The following POU2F2 variants were observed in gnomAD, a reference collection of about 807,000 sequenced individuals.
POU2F2 encodes POU domain, class 2, transcription factor 2.
Under a neutral mutation model 63.5 loss-of-function variants are expected in POU2F2, and 14 were observed. That is an observed-to-expected ratio of 0.22 (90% CI 0.15 to 0.34). The LOEUF (loss-of-function observed/expected upper bound fraction) is 0.34, where lower values mean the gene tolerates loss of function less well. Ranked by LOEUF, POU2F2 falls within the 10% of genes least tolerant of loss-of-function variation. POU2F2 has a pLI of 1.00. For synonymous variants in POU2F2, 306 were observed against 348.6 expected (o/e 0.88, Z 1.36); for missense variants, 607 against 815.2 (o/e 0.74, Z 3.11).
intron 1 of POU2F2, among the ~76,000 whole-genome samples, chr19:42,183,229 G>A (rs1327600149): frequency 1.3e-5 from 2 of 152,312 alleles, no homozygotes; most frequent in Non-Finnish European, 2.9e-5. Flanking sequence ...TGCCCTCATA[G>A]AGACCCTCAT....
At position 42,169,107 on chromosome 19, in the gene POU2F2, T is replaced by TCA. The variant is rs1340432498; in HGVS notation, c.-70+6855_-70+6856insTG. On this transcript the variant is annotated intron_variant, in intron 1 of 6. Transcript: ENST00000524801. The surrounding 1 kb of genome is among the most constrained non-coding windows in gnomAD (Gnocchi z 4.3). ...GATGAGTTAATTAATTCTATACACA[T>TCA]TTTCACACTTGAACATCTACCTATT... 6.6e-6 allele frequency among the ~76,000 whole-genome samples: 1 copy of TCA among 152,174 alleles called. No homozygotes were observed. The highest frequency in any genetic ancestry group is 2.4e-5 in the African/African-American group (1 of 41,426).
chr19:42,093,990 G>C, intron 11 of POU2F2, 95 bp from the exon 12 acceptor site: 1 of 1,029,384 alleles, frequency 9.7e-7, no homozygotes, highest in Non-Finnish European at 1.5e-6. Flanking sequence ...CCCAGGATGG[G>C]GGCAGGGGGC....
intron 2 of POU2F2, among the ~76,000 whole-genome samples, chr19:42,159,340 T>G (rs369033935): frequency 4.6e-5 from 7 of 152,140 alleles, no homozygotes; most frequent in African/African-American, 1.4e-4. Flanking sequence ...GTCCCTACAA[T>G]GCTGGGTTGC....
intron 1 of POU2F2, among the ~76,000 whole-genome samples, chr19:42,192,436 G>A (rs182176859): frequency 6.6e-6 from 1 of 152,220 alleles, no homozygotes; most frequent in Non-Finnish European, 1.5e-5. Context: ...TCAAGGGTGG[G>A]GTTGGATCTA....
At chr19:42,129,039 G>C (rs1057327730) in intron 1 of POU2F2, among the ~76,000 whole-genome samples, 9 of 151,896 alleles carry the variant, frequency 5.9e-5, no homozygotes, top group African/African-American at 1.9e-4. Flanking sequence ...CACCATGTTG[G>C]GCAGGCTGGT....
At chr19:42,192,250 C>G (rs1319092521) in intron 1 of POU2F2, among the ~76,000 whole-genome samples, 1 of 152,118 alleles carries the variant, frequency 6.6e-6, no homozygotes, top group Non-Finnish European at 1.5e-5. Flanking sequence ...TGAGCAGGTG[C>G]TAGTCTTCAG....
chr19:42,132,475 AG>A, upstream of POU2F2: 2 of 1,381,260 alleles, frequency 1.4e-6, no homozygotes, highest in Non-Finnish European at 1.9e-6. Context: ...CTGGGGGCCG[AG>A]CCCTCCCTGC....
chr19:42,120,146 A>C lies in POU2F2; in HGVS notation c.186+1980T>G, dbSNP rs372628301. 2.4e-4 allele frequency among the ~76,000 whole-genome samples: 37 copies of C among 151,458 alleles called. No homozygotes were observed. The South Asian group carries it at 7.8e-3, about 32-fold the overall frequency. On this transcript the variant is annotated intron_variant, in intron 4 of 14. Coordinates refer to ENST00000692977, the MANE Select transcript of POU2F2 (RefSeq NM_001394376.1). ...GGCTGGTCTTGAACTCCCGGGCTCA[A>C]GCGATCTACCCACCTTGGCCTCCCA... is the stretch of plus-strand genomic sequence containing the variant.
intron 1 of POU2F2, among the ~76,000 whole-genome samples, chr19:42,170,076 A>G (rs990524463): frequency 6.6e-6 from 1 of 151,646 alleles, no homozygotes; most frequent in Non-Finnish European, 1.5e-5. Context: ...TCATGGGGGG[A>G]AAAGGAGGAG....
intron 1 of POU2F2, among the ~76,000 whole-genome samples, chr19:42,126,684 C>A (rs952893792): frequency 6.6e-6 from 1 of 152,174 alleles, no homozygotes; most frequent in African/African-American, 2.4e-5. Flanking sequence ...GCAAACTAAG[C>A]CTCTCACAGC....
At chr19:42,100,086 T>A (rs2077075043) in intron 5 of POU2F2, among the ~76,000 whole-genome samples, 1 of 75,604 alleles carries the variant, frequency 1.3e-5, no homozygotes, top group Non-Finnish European at 3.0e-5. Context: ...CCTTTCTTTC[T>A]TTTTTTTTTT....
At chr19:42,094,746 T>C (rs1223118133) in intron 11 of POU2F2, among the ~76,000 whole-genome samples, 1 of 152,174 alleles carries the variant, frequency 6.6e-6, no homozygotes, top group Non-Finnish European at 1.5e-5. Context: ...CCTTGTCCTT[T>C]AGAACTCAGT....
intron 4 of POU2F2, among the ~76,000 whole-genome samples, chr19:42,121,636 C>G (rs2032622545): frequency 6.6e-6 from 1 of 152,178 alleles, no homozygotes; most frequent in Non-Finnish European, 1.5e-5. Flanking sequence ...GACTGGAGCC[C>G]AGGCAACCCC....
In POU2F2 at chr19:42,155,550, G is replaced by T. The variant is rs1421716712; in HGVS notation, c.-9+4782C>A. Among the ~76,000 whole-genome samples the T allele has an allele frequency of 6.6e-6, 1 of 152,220 alleles. No individual in the cohort carries two copies. The highest frequency in any genetic ancestry group is 2.4e-5 in the African/African-American group (1 of 41,458). On this transcript the variant is annotated intron_variant, in intron 2 of 6. Transcript: ENST00000524801. The surrounding 1 kb of genome is among the most constrained non-coding windows in gnomAD (Gnocchi z 4.2). ...CATAGGAGACTGAGGCAGGAGGATT[G>T]CTTGAAAGTTTGAGAAAAGCAAGGG...
chr19:42,118,231 A>C (rs2032170343), intron 4 of POU2F2, among the ~76,000 whole-genome samples: 2 of 152,244 alleles, frequency 1.3e-5, no homozygotes, highest in Admixed American at 1.3e-4. Context: ...AGCCAGGTAC[A>C]TCCCTTATTT....
chr19:42,176,852 C>A (rs1253213787), upstream of POU2F2, among the ~76,000 whole-genome samples: 11 of 151,392 alleles, frequency 7.3e-5, no homozygotes, highest in Non-Finnish European at 1.6e-4. Context: ...GAGCGGCGCC[C>A]GCCCGGCTCC....
chr19:42,115,122 C>A (rs1036202738), intron 5 of POU2F2, among the ~76,000 whole-genome samples: 14 of 152,012 alleles, frequency 9.2e-5, no homozygotes, highest in African/African-American at 3.1e-4. Flanking sequence ...TGCACTCCAG[C>A]CTGGGCAGCA....
At chr19:42,135,777 G>A (rs1000289252), upstream of POU2F2, among the ~76,000 whole-genome samples, 1 of 149,126 alleles carries the variant, frequency 6.7e-6, no homozygotes, top group Non-Finnish European at 1.5e-5. Context: ...GCACAATCCC[G>A]GCTCACTGCA....
At chr19:42,166,824 G>A (rs2034661313) in intron 1 of POU2F2, among the ~76,000 whole-genome samples, 1 of 152,110 alleles carries the variant, frequency 6.6e-6, no homozygotes, top group Non-Finnish European at 1.5e-5. Flanking sequence ...GCACTGGTAA[G>A]TGCTCACCCT....
Sources: allele counts gnomAD v4.1 joint callset (sites outside exome capture counted in the v4.1 genomes callset), GRCh38; gene constraint gnomAD v4.1.1; non-coding constraint Gnocchi (gnomAD v3.1); transcripts MANE v1.5; gene names NCBI Gene and HGNC (gene_info 2026-07-23, HGNC 2026-07-21).